Variants in BLTP3A observed in about 807,000 individuals in gnomAD.
BLTP3A encodes bridge-like lipid transfer protein family member 3A, also known as ICBP90 binding protein 1.
At chr6:34,858,466 G>T in the BLTP3A span, 1 of 1,614,042 alleles carries the variant, frequency 6.2e-7, no homozygotes, top group Non-Finnish European at 8.5e-7. Context: ...GATCTCCTTG[G>T]ACTTTGAGGG....
the BLTP3A span, among the ~76,000 whole-genome samples, chr6:34,797,428 A>T: frequency 6.6e-6 from 1 of 152,174 alleles, no homozygotes; most frequent in African/African-American, 2.4e-5. Context: ...CATCATCTTG[A>T]TGAACACTGA....
the BLTP3A span, among the ~76,000 whole-genome samples, chr6:34,820,824 T>TTTC: frequency 6.8e-6 from 1 of 145,992 alleles, no homozygotes; most frequent in South Asian, 2.2e-4. Context: ...ATTTTTTTTT[T>TTTC]TTTTTTTTTT....
chr6:34,848,208 C>T, the BLTP3A span, among the ~76,000 whole-genome samples: 8 of 150,742 alleles, frequency 5.3e-5, no homozygotes, highest in Admixed American at 6.6e-5. Flanking sequence ...GGCTTGAGCC[C>T]GGGAGATAGA....
At chr6:34,858,497 A>G in the BLTP3A span, 1 of 1,614,062 alleles carries the variant, frequency 6.2e-7, no homozygotes, top group Non-Finnish European at 8.5e-7. Context: ...TTCAAAGGCC[A>G]TACCTTGAAT....
At chr6:34,871,646 A>G in the BLTP3A span, 1 of 1,614,130 alleles carries the variant, frequency 6.2e-7, no homozygotes, top group East Asian at 2.2e-5. Flanking sequence ...TGGCCATGGA[A>G]CATGTTGTGC....
At chr6:34,838,537 A>G in the BLTP3A span, among the ~76,000 whole-genome samples, 19 of 152,376 alleles carry the variant, frequency 1.2e-4, no homozygotes, top group Non-Finnish European at 2.8e-4. Context: ...CCAATAAGAT[A>G]GAATGGTTAG....
At chr6:34,872,297 A>G in the BLTP3A span, 2 of 1,599,754 alleles carry the variant, frequency 1.3e-6, no homozygotes, top group East Asian at 2.2e-5. Flanking sequence ...ACTGTTAACT[A>G]CTTATTGTTC....
the BLTP3A span, chr6:34,836,357 T>C: frequency 1.9e-6 from 3 of 1,612,736 alleles, no homozygotes; most frequent in Non-Finnish European, 2.5e-6. Flanking sequence ...AGGTACCCCA[T>C]GAGGCCTGAG....
chr6:34,832,022 C>T, the BLTP3A span, among the ~76,000 whole-genome samples: 113 of 152,066 alleles, frequency 7.4e-4, no homozygotes, highest in African/African-American at 2.7e-3. Flanking sequence ...ACCATGTTGG[C>T]CAGGATGGTC....
At chr6:34,799,849 TCTTTA>T in the BLTP3A span, among the ~76,000 whole-genome samples, 1 of 152,186 alleles carries the variant, frequency 6.6e-6, no homozygotes, top group East Asian at 1.9e-4. Context: ...TTACAATTTA[TCTTTA>T]CTTATTAGAG....
the BLTP3A span, chr6:34,867,127 G>T: frequency 7.7e-7 from 1 of 1,293,562 alleles, no homozygotes; most frequent in Non-Finnish European, 1.0e-6. Context: ...AATGTCATAA[G>T]TATTTTGTTT....
At chr6:34,806,231 GA>G in the BLTP3A span, among the ~76,000 whole-genome samples, 6 of 152,192 alleles carry the variant, frequency 3.9e-5, no homozygotes, top group Non-Finnish European at 2.9e-5. Context: ...GTTTGACGTA[GA>G]CTAAATGTCC....
the BLTP3A span, chr6:34,821,829 T>G: frequency 1.9e-6 from 3 of 1,614,046 alleles, no homozygotes; most frequent in Non-Finnish European, 1.7e-6. Context: ...AGAATGAGGG[T>G]CAGAATGCTG....
the BLTP3A span, among the ~76,000 whole-genome samples, chr6:34,833,119 A>G: frequency 0.44 from 66,609 of 152,004 alleles, 16,395 homozygotes; most frequent in African/African-American, 0.67. Context: ...AGTTTGAGCT[A>G]CATGGGTCCA....
At chr6:34,836,176 TGCCCAGCAGTCCTGGGCCCA>T in the BLTP3A span, 10 of 1,614,118 alleles carry the variant, frequency 6.2e-6, no homozygotes, top group Non-Finnish European at 8.5e-6. Context: ...CAGCCCCCAG[TGCCCAGCAGTCCTGGGCCCA>T]GGCATTTGGT....
At chr6:34,858,490 A>G in the BLTP3A span, 10 of 1,614,160 alleles carry the variant, frequency 6.2e-6, no homozygotes, top group Non-Finnish European at 8.5e-6. Context: ...AGAAAACTTC[A>G]AAGGCCATAC....
At chr6:34,802,783 T>C in the BLTP3A span, among the ~76,000 whole-genome samples, 1 of 152,234 alleles carries the variant, frequency 6.6e-6, no homozygotes, top group Non-Finnish European at 1.5e-5. Flanking sequence ...AATGATTTTA[T>C]TGTAAATTAT....
chr6:34,870,106 A>G, the BLTP3A span, among the ~76,000 whole-genome samples: 2 of 151,946 alleles, frequency 1.3e-5, no homozygotes, highest in South Asian at 2.1e-4. Flanking sequence ...CCATTATACT[A>G]TTTACTTCTT....
the BLTP3A span, among the ~76,000 whole-genome samples, chr6:34,866,583 A>G: frequency 6.6e-6 from 1 of 152,166 alleles, no homozygotes; most frequent in Non-Finnish European, 1.5e-5. Flanking sequence ...TTGTGGTAAA[A>G]TACATATGAA....
Sources: allele counts gnomAD v4.1 joint callset (sites outside exome capture counted in the v4.1 genomes callset), GRCh38; gene constraint gnomAD v4.1.1; transcripts MANE v1.5; gene names NCBI Gene and HGNC (gene_info 2026-07-23, HGNC 2026-07-21).